Variants in DNAH6 observed in about 807,000 individuals in gnomAD.
The protein encoded by DNAH6 is dynein axonemal heavy chain 6.
In DNAH6, 340 loss-of-function variants were observed where a neutral mutation model predicts 491.4. The ratio of observed to expected loss-of-function variants is 0.69; its 90% CI spans 0.63 to 0.76. The LOEUF (loss-of-function observed/expected upper bound fraction) is 0.76, where lower values mean the gene tolerates loss of function less well. Ranked by LOEUF, DNAH6 falls within the 30% of genes least tolerant of loss-of-function variation. DNAH6 has a pLI of 0.00. For missense variants in DNAH6, 4,443 were observed against 4,972.2 expected (o/e 0.89, Z 3.20); for synonymous variants, 1,603 against 1,686.1 (o/e 0.95, Z 1.21).
intron 63 of DNAH6, among the ~76,000 whole-genome samples, chr2:84,762,034 G>A (rs1399478724): frequency 6.6e-6 from 1 of 152,152 alleles, no homozygotes; most frequent in African/African-American, 2.4e-5. Flanking sequence ...TCACACAAAG[G>A]CTCCATATGG....
At chr2:84,543,133 T>A (rs1027580016) in intron 4 of DNAH6, among the ~76,000 whole-genome samples, 1 of 152,146 alleles carries the variant, frequency 6.6e-6, no homozygotes, top group Non-Finnish European at 1.5e-5. Context: ...CATTCCATCC[T>A]GGGCAACAGA....
the DNAH6 span, among the ~76,000 whole-genome samples, chr2:84,482,953 G>GTT: frequency 2.3e-4 from 33 of 144,058 alleles, no homozygotes; most frequent in East Asian, 1.0e-3. Flanking sequence ...TTATGTTACG[G>GTT]TTTTTTTTTT....
chr2:84,816,134 A>G (rs1573896323), intron 76 of DNAH6, 51 bp downstream of exon 76: 13 of 1,414,310 alleles, frequency 9.2e-6, no homozygotes, highest in South Asian at 7.8e-5. Context: ...GCAATCTTCA[A>G]TCAAAGTCCA....
intron 63 of DNAH6, among the ~76,000 whole-genome samples, chr2:84,756,744 A>G (rs554844696): frequency 6.6e-6 from 1 of 152,202 alleles, no homozygotes; most frequent in Non-Finnish European, 1.5e-5. Context: ...GCACTCACCC[A>G]TCAATACCTT....
chr2:84,764,375 A>C (rs957617824), intron 64 of DNAH6, among the ~76,000 whole-genome samples: 3 of 152,236 alleles, frequency 2.0e-5, no homozygotes, highest in African/African-American at 7.2e-5. Flanking sequence ...TGAGCATATG[A>C]AAAGATGTCC....
At chr2:84,788,545 G>A (rs1342462555) in intron 68 of DNAH6, among the ~76,000 whole-genome samples, 3 of 152,120 alleles carry the variant, frequency 2.0e-5, no homozygotes, top group Non-Finnish European at 4.4e-5. Context: ...GAAGTCAAAA[G>A]AATAACGTTT....
chr2:84,562,012 A>G (rs1346981604), intron 11 of DNAH6, among the ~76,000 whole-genome samples: 1 of 152,140 alleles, frequency 6.6e-6, no homozygotes, highest in African/African-American at 2.4e-5. Context: ...CTAAAAAAAG[A>G]TAGATACAAG....
the DNAH6 span, among the ~76,000 whole-genome samples, chr2:84,504,028 A>G: frequency 4.6e-5 from 7 of 152,078 alleles, no homozygotes; most frequent in African/African-American, 1.7e-4. Context: ...TTTTAGGCCA[A>G]TAACTGTTAG....
At chr2:84,564,219 C>T (rs1489833034) in intron 11 of DNAH6, among the ~76,000 whole-genome samples, 1 of 151,986 alleles carries the variant, frequency 6.6e-6, no homozygotes, top group Non-Finnish European at 1.5e-5. Flanking sequence ...ATAGTTTTTT[C>T]TAATTCTGTG....
At chr2:84,491,003 A>T in the DNAH6 span, among the ~76,000 whole-genome samples, 1 of 152,226 alleles carries the variant, frequency 6.6e-6, no homozygotes, top group Non-Finnish European at 1.5e-5. Flanking sequence ...TGGTTTGTTT[A>T]TCAGTTCATC....
the DNAH6 span, among the ~76,000 whole-genome samples, chr2:84,496,228 A>T: frequency 4.6e-5 from 7 of 152,304 alleles, no homozygotes; most frequent in East Asian, 1.4e-3. Context: ...CACCAAGTTC[A>T]TGGTCCCTCC....
the DNAH6 span, among the ~76,000 whole-genome samples, chr2:84,499,167 C>T: frequency 1.3e-5 from 2 of 152,038 alleles, no homozygotes; most frequent in East Asian, 3.8e-4. Flanking sequence ...TACCCATTAA[C>T]CATCCCCACC....
At position 84,528,979 on chromosome 2, in the gene DNAH6, C is replaced by A; in HGVS notation, c.475C>A (p.Leu159Ile). 6.4e-7 allele frequency: 1 copy of A among 1,550,752 alleles called. No homozygotes were observed. The highest frequency in any genetic ancestry group is 8.7e-7 in the Non-Finnish European group (1 of 1,146,672). ...ACATACTGGTATTGGAAAAAGAGGT[C>A]TCTTTGGGACTAGATCTTCAGCTTA... The part of the protein sequence containing the change: ...LPHTGIGKRG[L>I]FGTRSSAYPK... The change falls in exon 4 of 77, where the codon CTC becomes ATC. Residue 159 changes from leucine to isoleucine, a missense_variant. Leu to Ile is a conservative substitution (Grantham distance 5, BLOSUM62 2). Transcript: ENST00000389394.
the DNAH6 span, among the ~76,000 whole-genome samples, chr2:84,473,926 T>C: frequency 1.3e-5 from 2 of 152,206 alleles, no homozygotes; most frequent in African/African-American, 4.8e-5. Flanking sequence ...TTTTAAACTG[T>C]TCTCTAACTT....
At chr2:84,802,699 T>G (rs1573857238) in intron 70 of DNAH6, among the ~76,000 whole-genome samples, 1 of 152,258 alleles carries the variant, frequency 6.6e-6, no homozygotes, top group East Asian at 1.9e-4. Context: ...ATTCAATACT[T>G]GACTAATTGG....
At chr2:84,811,473 A>C (rs1357867902) in intron 72 of DNAH6, among the ~76,000 whole-genome samples, 5 of 152,248 alleles carry the variant, frequency 3.3e-5, no homozygotes, top group Non-Finnish European at 7.4e-5. Context: ...TCTTCTGGTG[A>C]GAGAAGGAGA....
chr2:84,608,007 A>G (rs1256401137), intron 21 of DNAH6, among the ~76,000 whole-genome samples: 1 of 152,168 alleles, frequency 6.6e-6, no homozygotes, highest in African/African-American at 2.4e-5. Context: ...GTAATATCCT[A>G]AATCCTTTGT....
chr2:84,755,723 T>G (rs1204859043), intron 63 of DNAH6, among the ~76,000 whole-genome samples: 1 of 152,196 alleles, frequency 6.6e-6, no homozygotes, highest in African/African-American at 2.4e-5. Context: ...TTGTTCCTGA[T>G]CTTAGAAGAA....
intron 21 of DNAH6, among the ~76,000 whole-genome samples, chr2:84,608,469 T>C: frequency 6.6e-6 from 1 of 152,228 alleles, no homozygotes; most frequent in South Asian, 2.1e-4. Flanking sequence ...GATGTTGTGT[T>C]AGCAGGCATG....
Sources: gnomAD v4.1 joint callset for allele counts (sites outside exome capture counted in the v4.1 genomes callset) on GRCh38, gnomAD v4.1.1 for gene constraint, MANE v1.5 for transcripts, NCBI Gene and HGNC (gene_info 2026-07-23, HGNC 2026-07-21) for gene names.